Variants in UBE3D observed in about 807,000 individuals in gnomAD.
The protein encoded by UBE3D is E3 ubiquitin-protein ligase E3D.
Under a neutral mutation model 49.6 loss-of-function variants are expected in UBE3D, and 48 were observed. The ratio of observed to expected loss-of-function variants is 0.97; its 90% CI spans 0.77 to 1.23. The LOEUF (loss-of-function observed/expected upper bound fraction) is 1.23. Ranked by LOEUF, UBE3D falls within the 50% of genes most tolerant of loss-of-function variation. The pLI is 0.00. For synonymous variants in UBE3D, 189 were observed against 174.2 expected (o/e 1.08, Z -0.67); for missense variants, 452 against 468.4 (o/e 0.96, Z 0.32).
At chr6:82,923,568 G>C (rs1242488697) in intron 9 of UBE3D, among the ~76,000 whole-genome samples, 1 of 152,182 alleles carries the variant, frequency 6.6e-6, no homozygotes, top group Non-Finnish European at 1.5e-5. Context: ...GCCCTGTGGG[G>C]GTGGGGGGCT....
intron 9 of UBE3D, among the ~76,000 whole-genome samples, chr6:82,956,031 AAC>A (rs1776135161): frequency 6.6e-6 from 1 of 152,198 alleles, no homozygotes; most frequent in African/African-American, 2.4e-5. Flanking sequence ...CAATCCATGT[AAC>A]AGATTTCCAA....
chr6:82,928,970 T>C (rs1280029785), intron 9 of UBE3D, among the ~76,000 whole-genome samples: 2 of 152,202 alleles, frequency 1.3e-5, no homozygotes, highest in African/African-American at 4.8e-5. Context: ...GCATTATAAT[T>C]TCAAACATAA....
chr6:82,902,223 A>C (rs1434097964), intron 9 of UBE3D, among the ~76,000 whole-genome samples: 2 of 152,188 alleles, frequency 1.3e-5, no homozygotes, highest in African/African-American at 4.8e-5. Flanking sequence ...ATTCGAGAAA[A>C]CAGTTTGGCA....
chr6:82,998,251 C>A (rs1247235238), intron 8 of UBE3D, among the ~76,000 whole-genome samples: 1 of 152,204 alleles, frequency 6.6e-6, no homozygotes, highest in African/African-American at 2.4e-5. Context: ...GCTCTTACAG[C>A]CATCTGGATA....
At chr6:82,987,388 A>G (rs188404183) in intron 8 of UBE3D, among the ~76,000 whole-genome samples, 38 of 152,270 alleles carry the variant, frequency 2.5e-4, no homozygotes, top group Admixed American at 1.7e-3. Flanking sequence ...TTCTTGATAC[A>G]TAACTATATT....
chr6:82,976,587 C>T (rs576162547), intron 8 of UBE3D, among the ~76,000 whole-genome samples: 71 of 152,230 alleles, frequency 4.7e-4, no homozygotes, highest in African/African-American at 1.7e-3. Context: ...TTTCTGCCAC[C>T]GTCACCTTCT....
At chr6:83,027,454 A>AAAAAAAAAAAAAAAAAAAAAAAAAC (rs1235560342) in intron 5 of UBE3D, among the ~76,000 whole-genome samples, 1 of 147,462 alleles carries the variant, frequency 6.8e-6, no homozygotes, top group Non-Finnish European at 1.5e-5. Context: ...AAAAAAAAAA[A>AAAAAAAAAAAAAAAAAAAAAAAAAC]AAAAAAAGAA....
chr6:82,958,556 A>AT (rs1349814744), intron 8 of UBE3D, among the ~76,000 whole-genome samples: 1 of 152,174 alleles, frequency 6.6e-6, no homozygotes, highest in Non-Finnish European at 1.5e-5. Flanking sequence ...AATGGTTTAG[A>AT]TGTTTTATCA....
chr6:83,014,537 C>T (rs1300159400), intron 8 of UBE3D, among the ~76,000 whole-genome samples: 1 of 152,190 alleles, frequency 6.6e-6, no homozygotes, highest in Admixed American at 6.5e-5. Flanking sequence ...TGAGCTAAAA[C>T]TCCATCAATT....
intron 8 of UBE3D, among the ~76,000 whole-genome samples, chr6:82,978,643 T>A (rs895715510): frequency 2.6e-5 from 4 of 152,214 alleles, no homozygotes; most frequent in African/African-American, 9.6e-5. Flanking sequence ...AAAATTCATA[T>A]GTCTCAGTAT....
chr6:82,943,601 A>G (rs1775179362), intron 9 of UBE3D, among the ~76,000 whole-genome samples: 2 of 152,140 alleles, frequency 1.3e-5, no homozygotes, highest in Non-Finnish European at 2.9e-5. Flanking sequence ...ACACCACTAC[A>G]CTACAACCTG....
At chr6:82,885,355 T>G in the UBE3D span, among the ~76,000 whole-genome samples, 1 of 152,108 alleles carries the variant, frequency 6.6e-6, no homozygotes, top group Non-Finnish European at 1.5e-5. Context: ...CTTCAGAAAA[T>G]CAATTCCATA....
intron 8 of UBE3D, among the ~76,000 whole-genome samples, chr6:83,010,646 C>T (rs1780271389): frequency 6.6e-6 from 1 of 152,126 alleles, no homozygotes; most frequent in South Asian, 2.1e-4. Context: ...GGTCCCACAA[C>T]AGGCCATCTG....
At chr6:83,024,952 ACT>A (rs962297446) in intron 5 of UBE3D, among the ~76,000 whole-genome samples, 6 of 151,660 alleles carry the variant, frequency 4.0e-5, no homozygotes, top group Admixed American at 6.6e-5. Flanking sequence ...AGGGGCCAGG[ACT>A]CTCTGTTTTT....
At chr6:83,013,660 T>G (rs1223663103) in intron 8 of UBE3D, among the ~76,000 whole-genome samples, 1 of 152,164 alleles carries the variant, frequency 6.6e-6, no homozygotes, top group Non-Finnish European at 1.5e-5. Flanking sequence ...AGGGGCGAAA[T>G]GCAGCAACTT....
chr6:82,978,891 T>C (rs934745635), intron 8 of UBE3D, among the ~76,000 whole-genome samples: 1 of 152,206 alleles, frequency 6.6e-6, no homozygotes, highest in African/African-American at 2.4e-5. Context: ...TTTCTTTTTT[T>C]AGGAGGTCAT....
At chr6:82,930,580 A>G (rs1248156298) in intron 9 of UBE3D, among the ~76,000 whole-genome samples, 1 of 152,180 alleles carries the variant, frequency 6.6e-6, no homozygotes, top group African/African-American at 2.4e-5. Flanking sequence ...ATGGACAATG[A>G]AGTCCAGGCT....
At chr6:82,978,586 C>T (rs918680856) in intron 8 of UBE3D, among the ~76,000 whole-genome samples, 1 of 152,192 alleles carries the variant, frequency 6.6e-6, no homozygotes, top group Non-Finnish European at 1.5e-5. Flanking sequence ...GTCTACCTAG[C>T]AGTTTGAGCT....
At chr6:83,024,134 T>G in intron 5 of UBE3D, 96 bp from the exon 6 acceptor site, 1 of 572,964 alleles carries the variant, frequency 1.7e-6, no homozygotes, top group Non-Finnish European at 3.0e-6. Context: ...AAACTAAATA[T>G]TAAATATACT....
Sources: allele counts gnomAD v4.1 joint callset (sites outside exome capture counted in the v4.1 genomes callset), GRCh38; gene constraint gnomAD v4.1.1; transcripts MANE v1.5; gene names NCBI Gene and HGNC (gene_info 2026-07-23, HGNC 2026-07-21).